Variants in RBBP5 observed in about 807,000 individuals in gnomAD.
RBBP5 encodes the protein retinoblastoma-binding protein 5.
Under a neutral mutation model 72.2 loss-of-function variants are expected in RBBP5, and 5 were observed. The observed-to-expected ratio is 0.07, with a 90% CI of 0.04 to 0.15. The LOEUF (loss-of-function observed/expected upper bound fraction) is 0.15. RBBP5 is among the 10% of genes least tolerant of loss of function. The pLI is 1.00. For missense variants in RBBP5, 322 were observed against 652.2 expected (o/e 0.49, Z 5.51); for synonymous variants, 209 against 237.2 (o/e 0.88, Z 1.09).
chr1:205,107,977 G>A (rs1416473179), intron 3 of RBBP5, among the ~76,000 whole-genome samples: 1 of 149,356 alleles, frequency 6.7e-6, no homozygotes, highest in African/African-American at 2.5e-5. Context: ...AGGCGCTGTG[G>A]CTCACGCCTG....
At chr1:205,119,538 C>T (rs1656657778) in intron 1 of RBBP5, among the ~76,000 whole-genome samples, 1 of 152,178 alleles carries the variant, frequency 6.6e-6, no homozygotes, top group Admixed American at 6.5e-5. Context: ...TAAGTTTTTA[C>T]AAGTAAGCGT....
At position 205,109,947 on chromosome 1, in the gene RBBP5, C is replaced by T. The variant is rs556991880; in HGVS notation, c.219-4779G>A. 3.3e-5 allele frequency among the ~76,000 whole-genome samples: 5 copies of T among 152,198 alleles called. No homozygotes were observed. The East Asian group carries it at 5.8e-4, about 18-fold the overall frequency. The stretch of plus-strand genomic sequence containing the variant: ...TGGGCAGTCAATCCCACCCACAGCA[C>T]CTCTGCTTGGGAGCTCCTCTCTACT... On this transcript the variant is annotated intron_variant, in intron 3 of 13. Coordinates refer to ENST00000264515, the MANE Select transcript of RBBP5 (RefSeq NM_005057.4).
intron 3 of RBBP5, 31 bp downstream of exon 3, chr1:205,114,758 A>G (rs1236717752): frequency 5.4e-6 from 8 of 1,468,740 alleles, no homozygotes; most frequent in Non-Finnish European, 6.4e-6. Context: ...CATTCTCCTC[A>G]TATTTAAATA....
At chr1:205,095,090 G>A (rs200271728) in intron 12 of RBBP5, 26 bp from the exon 13 acceptor site, 82 of 1,609,458 alleles carry the variant, frequency 5.1e-5, no homozygotes, top group Middle Eastern at 1.7e-4. Context: ...GCATGGAAAG[G>A]AATCCACATG....
At chr1:205,115,244 G>A (rs1219237476) in intron 2 of RBBP5, among the ~76,000 whole-genome samples, 3 of 151,948 alleles carry the variant, frequency 2.0e-5, no homozygotes, top group Non-Finnish European at 4.4e-5. Flanking sequence ...TATAACAGAA[G>A]TATTTAAAAA....
At chr1:205,092,847 G>A (rs1177164074) in intron 13 of RBBP5, among the ~76,000 whole-genome samples, 1 of 152,236 alleles carries the variant, frequency 6.6e-6, no homozygotes, top group African/African-American at 2.4e-5. Flanking sequence ...CTCCCAAAGT[G>A]CTAGAATTAC....
At chr1:205,106,819 C>T (rs892118235) in intron 3 of RBBP5, among the ~76,000 whole-genome samples, 1 of 151,918 alleles carries the variant, frequency 6.6e-6, no homozygotes, top group Non-Finnish European at 1.5e-5. Flanking sequence ...TATGAACATG[C>T]CTGAAACAGA....
Position 205,097,349 on chromosome 1 carries a change from G to T in RBBP5, c.1143C>A (p.Asp381Glu), listed in dbSNP as rs1350557078. The T allele has an allele frequency of 6.4e-7, 1 of 1,552,098 alleles. No individual in the cohort carries two copies. The highest frequency in any genetic ancestry group is 8.7e-7 in the Non-Finnish European group (1 of 1,147,146). ...ACCTGCTACAGAAGGCAGCAATAGG[G>T]TCCACGCTGGTGACATCCACTTCCT... ...EDEEVDVTSVDPIAAFCSSDE... is the reference protein window; with the variant it reads ...EDEEVDVTSVEPIAAFCSSDE... Residue 381 changes from aspartate to glutamate, a missense_variant, in exon 11 of 14, where the codon GAC (aspartate) becomes GAA (glutamate). This residue lies in a region of RBBP5 where 30 missense variants were observed against 82.1 expected (regional missense o/e 0.37). Coordinates refer to ENST00000264515, the MANE Select transcript of RBBP5 (RefSeq NM_005057.4).
chr1:205,098,867 G>A (rs1655715196), intron 10 of RBBP5, 122 bp downstream of exon 10: 6 of 515,720 alleles, frequency 1.2e-5, no homozygotes, highest in Non-Finnish European at 2.0e-5. Flanking sequence ...AAAAAAAAGT[G>A]TGGGGTGGAG....
At chr1:205,115,792 T>C in intron 2 of RBBP5, 66 bp downstream of exon 2, 3 of 1,461,480 alleles carry the variant, frequency 2.1e-6, no homozygotes, top group Non-Finnish European at 2.7e-6. Flanking sequence ...AAAAGTATTT[T>C]CTGTTCTAAC....
intron 1 of RBBP5, 65 bp from the exon 2 acceptor site, chr1:205,115,948 GA>G (rs570334756): frequency 6.7e-5 from 108 of 1,613,676 alleles, no homozygotes; most frequent in Non-Finnish European, 8.8e-5. Flanking sequence ...TACAACTCAC[GA>G]ACAGTGTATA....
intron 13 of RBBP5, among the ~76,000 whole-genome samples, chr1:205,090,263 T>C (rs1007523784): frequency 6.6e-6 from 1 of 152,214 alleles, no homozygotes; most frequent in African/African-American, 2.4e-5. Flanking sequence ...ACAGGTACCC[T>C]GACCAATTTA....
At chr1:205,116,051 T>C in intron 1 of RBBP5, 168 bp from the exon 2 acceptor site, 1 of 1,385,794 alleles carries the variant, frequency 7.2e-7, no homozygotes. Flanking sequence ...TAAGATGACT[T>C]GTTTACTCTC....
rs749656737 is a variant in RBBP5 at position 205,096,761 on chromosome 1, C to T, written c.1317G>A (p.Gln439=). Residue 439 remains glutamine, a synonymous_variant, in exon 12 of 14, where the codon CAG becomes CAA. Coordinates refer to ENST00000264515, the MANE Select transcript of RBBP5 (RefSeq NM_005057.4). ...DEGASSEKKR[Q]SSADGSQPPK... ...GTGGCTGGGACCCATCTGCTGAGGA[C>T]TGCCTCTTCTTCTCTGAACTAGCCC... The T allele has an allele frequency of 1.9e-6, 3 of 1,614,206 alleles. No individual in the cohort carries two copies. Among genetic ancestry groups the T allele is most frequent in the Non-Finnish European group, 2.5e-6 (3 of 1,180,046 alleles).
In RBBP5 at chr1:205,100,071, G is replaced by T; in HGVS notation, c.753-7C>A. 6.2e-7 allele frequency: 1 copy of T among 1,613,814 alleles called. No individual in the cohort carries two copies. The highest frequency in any genetic ancestry group is 1.1e-5 in the South Asian group (1 of 91,072). On this transcript the variant is annotated splice_polypyrimidine_tract_variant and splice_region_variant and intron_variant, in intron 7 of 13. Coordinates refer to ENST00000264515, the MANE Select transcript of RBBP5 (RefSeq NM_005057.4). Reference sequence around the variant, plus strand: ...ACATTTCTTCCATGGGGTCCTAAAGGACAAGGAAAGTACCAAGGAGAGCTG... The same window carrying T: ...ACATTTCTTCCATGGGGTCCTAAAGTACAAGGAAAGTACCAAGGAGAGCTG...
At chr1:205,112,928 G>A (rs1285630527) in intron 3 of RBBP5, among the ~76,000 whole-genome samples, 1 of 152,110 alleles carries the variant, frequency 6.6e-6, no homozygotes, top group East Asian at 1.9e-4. Context: ...TTCAAGACAA[G>A]CCTGAGCAAC....
At position 205,088,902 on chromosome 1, in the gene RBBP5, T is replaced by C. The variant is rs1655229463; in HGVS notation, c.1589-87A>G. 15 of 1,268,088 alleles carry C rather than the reference T, an allele frequency of 1.2e-5. 1 individual carries two copies. In the South Asian group the frequency reaches 2.0e-4, roughly 17 times the overall value. The allele number at this position is 1,268,088 out of a possible 1,614,324, so 78.6% of individuals were successfully genotyped here. On this transcript the variant is annotated intron_variant, in intron 13 of 13. Transcript: ENST00000264515. The stretch of plus-strand genomic sequence containing the variant: ...AACAGAAATACTGAATGCTGGATGA[T>C]GCATTACAAGCACACGTGGACCAAG...
At chr1:205,120,238 G>A (rs1329710560) in intron 1 of RBBP5, among the ~76,000 whole-genome samples, 1 of 151,918 alleles carries the variant, frequency 6.6e-6, no homozygotes, top group African/African-American at 2.4e-5. Flanking sequence ...ACTCCACATT[G>A]CTGTCAGACA....
intron 12 of RBBP5, among the ~76,000 whole-genome samples, 153 bp downstream of exon 12, chr1:205,096,529 G>A (rs908334356): frequency 5.3e-5 from 8 of 152,188 alleles, no homozygotes; most frequent in Non-Finnish European, 7.4e-5. Flanking sequence ...GAACACAGAC[G>A]CAATCATTAT....
Sources: gnomAD v4.1 joint callset for allele counts (sites outside exome capture counted in the v4.1 genomes callset) on GRCh38, gnomAD v4.1.1 for gene constraint, gnomAD v4.1.1 regional missense constraint, MANE v1.5 for transcripts, NCBI Gene and HGNC (gene_info 2026-07-23, HGNC 2026-07-21) for gene names.